Variants in LIG3 observed in about 807,000 individuals in gnomAD.
The protein encoded by LIG3 is DNA ligase 3.
Under a neutral mutation model 110.9 loss-of-function variants are expected in LIG3, and 58 were observed. That is an observed-to-expected ratio of 0.52 (90% CI 0.42 to 0.65). The LOEUF is 0.65. LIG3 is among the 30% of genes least tolerant of loss of function. The pLI is 0.00. For missense variants in LIG3, 1,094 were observed against 1,273.8 expected (o/e 0.86, Z 2.15); for synonymous variants, 422 against 472.8 (o/e 0.89, Z 1.39).
rs907861872 is a variant in LIG3, at chr17:35,007,937, C to T, written c.*3431C>T. On this transcript the variant is annotated 3_prime_UTR_variant, in exon 20 of 20. Coordinates refer to ENST00000378526, the MANE Select transcript of LIG3 (RefSeq NM_013975.4). ...TGTATTTTTAGTAGAGACCACGTTT[C>T]GCCATGTTGTCCAGACTGGTCTCAA... The T allele has an allele frequency of 3.3e-5, 5 of 152,202 alleles. No individual in the cohort carries two copies. The highest frequency in any genetic ancestry group is 7.2e-5 in the African/African-American group (3 of 41,442). 9.4% of individuals were successfully genotyped at this position (152,202 alleles called of 1,614,324 possible).
At chr17:34,992,796 C>T in intron 8 of LIG3, 104 bp downstream of exon 8, 1 of 1,175,346 alleles carries the variant, frequency 8.5e-7, no homozygotes, top group Non-Finnish European at 1.1e-6. Context: ...TGCAAATTGA[C>T]TGGAGAAGTT....
intron 9 of LIG3, among the ~76,000 whole-genome samples, chr17:34,994,830 A>G (rs983107947): frequency 6.6e-6 from 1 of 152,202 alleles, no homozygotes; most frequent in Admixed American, 6.5e-5. Context: ...TTCAACAATT[A>G]TTTATCAGAT....
intron 1 of LIG3, chr17:34,981,049 C>T (rs2090584384): frequency 6.6e-6 from 1 of 151,994 alleles, no homozygotes. Context: ...GCCGACCCCA[C>T]TGTCCCCGCC....
At chr17:34,994,088 A>AAT in intron 8 of LIG3, 188 bp from the exon 9 acceptor site, 1 of 521,468 alleles carries the variant, frequency 1.9e-6, no homozygotes. Context: ...TCATAGGCAG[A>AAT]ATACAACATT....
Position 35,002,682 on chromosome 17 carries a change from G to C in LIG3, c.2689G>C (p.Ala897Pro), listed in dbSNP as rs2090856233. ...SNSKDGNMQT[A>P]KPSAMKVGEK... Reference sequence around the variant, plus strand: ...CTGTCCTGCAGGCAACATGCAGACTGCAAAGCCTTCCGCTATGAAGGTGGG... The same window carrying C: ...CTGTCCTGCAGGCAACATGCAGACTCCAAAGCCTTCCGCTATGAAGGTGGG... The change falls in exon 19 of 20, where the codon GCA becomes CCA. Residue 897 changes from alanine (A) to proline (P), a missense_variant. By Grantham distance (27) the Ala-to-Pro change is conservative (BLOSUM62 -1). Transcript: ENST00000378526. 6.2e-7 allele frequency: 1 copy of C among 1,613,154 alleles called. No individual in the cohort carries two copies. Among genetic ancestry groups the C allele is most frequent in the African/African-American group, 1.3e-5 (1 of 75,030 alleles).
rs202091393 is a variant in LIG3, at chr17:34,999,788, A to G, written c.2263A>G (p.Ser755Gly). The part of the protein sequence containing the change: ...LDMVKISKDP[S>G]KIPSWLKVNK... ...AGCATCTTTTCTCCTCTAGGACCCC[A>G]GCAAAATACCCAGCTGGTTGAAGGT... Residue 755 changes from serine (S) to glycine (G), a missense_variant, in exon 16 of 20, where the codon AGC becomes GGC. Physicochemically the swap from Ser to Gly is moderately conservative, Grantham distance 56. Transcript: ENST00000378526. 3 of 1,614,078 alleles carry G rather than the reference A, an allele frequency of 1.9e-6. No individual in the cohort carries two copies. Among genetic ancestry groups the G allele is most frequent in the Non-Finnish European group, 2.5e-6 (3 of 1,179,936 alleles).
At chr17:34,992,145 C>T in intron 7 of LIG3, 110 bp downstream of exon 7, 2 of 921,792 alleles carry the variant, frequency 2.2e-6, no homozygotes, top group Admixed American at 1.9e-5. Flanking sequence ...CCCCTTCCAC[C>T]TTCTTACTTT....
At chr17:34,993,346 A>G (rs2090745536) in intron 8 of LIG3, among the ~76,000 whole-genome samples, 1 of 152,206 alleles carries the variant, frequency 6.6e-6, no homozygotes, top group African/African-American at 2.4e-5. Context: ...CTTGTTTGTC[A>G]TACTAAAACC....
intron 8 of LIG3, 145 bp from the exon 9 acceptor site, chr17:34,994,131 C>G: frequency 1.5e-6 from 1 of 658,998 alleles, no homozygotes; most frequent in Admixed American, 3.2e-5. Flanking sequence ...CACCTCTTCA[C>G]CAGCCTTCCC....
chr17:34,989,056 G>A (rs527847343), intron 3 of LIG3, among the ~76,000 whole-genome samples: 1 of 152,034 alleles, frequency 6.6e-6, no homozygotes, highest in South Asian at 2.1e-4. Context: ...TGCCCAGGCT[G>A]GTCTCGAACT....
rs761229547 is a variant in LIG3 at position 34,992,590 on chromosome 17, G to C, written c.1353G>C (p.Val451=). 3.0e-5 allele frequency: 48 copies of C among 1,613,750 alleles called. No individual in the cohort carries two copies. In the East Asian group the frequency reaches 1.0e-3, roughly 34 times the overall value. ...CCTCGCGCAACCTGCAGGATGTGGT[G>C]GAGCGGGTCCTTCACAACGCGCAGG... ...FKASRNLQDV[V]ERVLHNAQEV... Residue 451 remains valine (V), a synonymous_variant, in exon 8 of 20, where the codon GTG becomes GTC. Transcript: ENST00000378526.
At chr17:34,994,112 C>G in intron 8 of LIG3, 164 bp from the exon 9 acceptor site, 1 of 582,280 alleles carries the variant, frequency 1.7e-6, no homozygotes, top group Middle Eastern at 4.5e-4. Flanking sequence ...CAGCCCTTTC[C>G]GTTCCCATCA....
Position 35,002,676 on chromosome 17 carries a change from C to G in LIG3, c.2683C>G (p.Gln895Glu). Residue 895 changes from glutamine to glutamate, a missense_variant, in exon 19 of 20, where the codon CAG becomes GAG. Gln to Glu is a conservative substitution (Grantham distance 29). Coordinates refer to ENST00000378526, the MANE Select transcript of LIG3 (RefSeq NM_013975.4). Reference sequence around the variant, plus strand: ...TCCTCTCTGTCCTGCAGGCAACATGCAGACTGCAAAGCCTTCCGCTATGAA... The same window carrying G: ...TCCTCTCTGTCCTGCAGGCAACATGGAGACTGCAAAGCCTTCCGCTATGAA... ...SNSNSKDGNM[Q>E]TAKPSAMKVG... 6.2e-7 allele frequency: 1 copy of G among 1,612,950 alleles called. No homozygotes were observed. Among genetic ancestry groups the G allele is most frequent in the East Asian group, 2.2e-5 (1 of 44,850 alleles).
chr17:35,005,123 G>T lies in LIG3; in HGVS notation c.*617G>T. The T allele has an allele frequency of 2.8e-6, 1 of 355,828 alleles. No individual in the cohort carries two copies. Among genetic ancestry groups the T allele is most frequent in the Non-Finnish European group, 5.6e-6 (1 of 180,008 alleles). 22.0% of individuals were successfully genotyped at this position (355,828 alleles called of 1,614,324 possible). On this transcript the variant is annotated 3_prime_UTR_variant, in exon 20 of 20. Transcript: ENST00000378526. ...CCCAGTTTGAAGGGAGGGGACTAGG[G>T]TCAGGTAGGAAAATGGGGCCTTTAT...
At chr17:35,002,592 G>C (rs2090854747) in intron 18 of LIG3, 76 bp from the exon 19 acceptor site, 1 of 1,515,040 alleles carries the variant, frequency 6.6e-7, no homozygotes, top group Non-Finnish European at 8.9e-7. Context: ...TCGAACTCCT[G>C]AGTTGAATTG....
rs2090757000 is a variant in LIG3, at chr17:34,994,378, G to A, written c.1558G>A (p.Gly520Arg). 1 of 1,614,042 alleles carries A rather than the reference G, an allele frequency of 6.2e-7. No homozygotes were observed. Among genetic ancestry groups the A allele is most frequent in the African/African-American group, 1.3e-5 (1 of 74,932 alleles). ...DGERVQVHKN[G>R]DHFSYFSRSL... ...AGAGCGAGTCCAGGTGCATAAGAAT[G>A]GAGACCACTTCAGCTACTTCAGCCG... Residue 520 changes from glycine (G) to arginine (R), a missense_variant, in exon 9 of 20, where the codon GGA becomes AGA. By Grantham distance (125) the Gly-to-Arg change is moderately radical. Coordinates refer to ENST00000378526, the MANE Select transcript of LIG3 (RefSeq NM_013975.4).
chr17:35,004,303 C>A lies in LIG3; in HGVS notation c.2827C>A (p.Leu943Ile), dbSNP rs1282226642. 6.2e-7 allele frequency: 1 copy of A among 1,614,188 alleles called. No homozygotes were observed. Among genetic ancestry groups the A allele is most frequent in the Non-Finnish European group, 8.5e-7 (1 of 1,180,018 alleles). ...GCTGGACATCTTCACTGGGGTGCGG[C>A]TTTACTTGCCACCCTCCACACCAGA... ...VLLDIFTGVR[L>I]YLPPSTPDFS... The change falls in exon 20 of 20, where the codon CTT becomes ATT. Residue 943 changes from leucine (L) to isoleucine (I), a missense_variant. Leu to Ile is a conservative substitution (Grantham distance 5). Coordinates refer to ENST00000378526, the MANE Select transcript of LIG3 (RefSeq NM_013975.4).
intron 9 of LIG3, 96 bp downstream of exon 9, chr17:34,994,527 A>C (rs2090758906): frequency 8.1e-7 from 1 of 1,228,744 alleles, no homozygotes; most frequent in Non-Finnish European, 1.1e-6. Context: ...GCTGTGGTAC[A>C]CAATAAGGGT....
intron 17 of LIG3, 59 bp downstream of exon 17, chr17:35,001,462 T>G: frequency 6.5e-7 from 1 of 1,544,032 alleles, no homozygotes; most frequent in Non-Finnish European, 8.9e-7. Context: ...CTTGGAGCCT[T>G]GGGCATCTAG....
Sources: allele counts gnomAD v4.1 joint callset (sites outside exome capture counted in the v4.1 genomes callset), GRCh38; gene constraint gnomAD v4.1.1; transcripts MANE v1.5; gene names NCBI Gene and HGNC (gene_info 2026-07-23, HGNC 2026-07-21).